PHKB: variants seen among roughly 807,000 people sequenced by gnomAD.
PHKB encodes the protein phosphorylase b kinase regulatory subunit beta.
Under a neutral mutation model 152.1 loss-of-function variants are expected in PHKB, and 122 were observed. That is an observed-to-expected ratio of 0.80 (90% CI 0.69 to 0.93). The LOEUF is 0.93. PHKB is among the 40% of genes least tolerant of loss of function. PHKB has a pLI of 0.00. For missense variants in PHKB, 1,304 were observed against 1,328.4 expected, an observed-to-expected ratio of 0.98 and a Z score of 0.29; for synonymous variants, 436 against 464.9, an observed-to-expected ratio of 0.94 and a Z score of 0.80.
intron 1 of PHKB, chr16:47,462,885 A>C (rs543784287): frequency 5.2e-5 from 8 of 152,438 alleles, no homozygotes; most frequent in African/African-American, 1.4e-4. Context: ...GAAGTATGAG[A>C]TAATTTTTTC....
intron 7 of PHKB, among the ~76,000 whole-genome samples, chr16:47,569,289 TAA>T (rs1971618845): frequency 6.6e-6 from 1 of 152,244 alleles, no homozygotes; most frequent in African/African-American, 2.4e-5. Flanking sequence ...TCTTTTTATT[TAA>T]AGTCTGTTTT....
At position 47,601,481 on chromosome 16, in the gene PHKB, G is replaced by A. The variant is rs913657076; in HGVS notation, c.1363+4950G>A. ...AGCACTTTGGAAGGCCGAGGCAGGCGGATCATGAGGTCAGGAGATCAAGAC... is the reference window on the plus strand; with the variant it reads ...AGCACTTTGGAAGGCCGAGGCAGGCAGATCATGAGGTCAGGAGATCAAGAC... On this transcript the variant is annotated intron_variant, in intron 13 of 30. Transcript: ENST00000323584. Among the ~76,000 whole-genome samples the A allele has an allele frequency of 4.6e-5, 7 of 152,090 alleles. No individual in the cohort carries two copies. In the South Asian group the frequency reaches 6.2e-4, roughly 14 times the overall value.
rs1567349111 is a variant in PHKB at position 47,669,294 on chromosome 16, AT to A, written c.2509del (p.Tyr837IlefsTer36). ...CCAAGAGTGATTCAAAACATCATCTATTATAAGTGTAACACCCATGATGAGA... is the reference window on the plus strand; with the variant it reads ...CCAAGAGTGATTCAAAACATCATCTATATAAGTGTAACACCCATGATGAGA... ...LSPRVIQNII[Y>X]YKCNTHDERE... On this transcript the variant is annotated frameshift_variant, in exon 26 of 31. Transcript: ENST00000323584. LOFTEE classifies it high-confidence loss of function. The A allele has an allele frequency of 6.2e-7, 1 of 1,614,046 alleles. No homozygotes were observed. Among genetic ancestry groups the A allele is most frequent in the South Asian group, 1.1e-5 (1 of 91,084 alleles).
intron 6 of PHKB, among the ~76,000 whole-genome samples, chr16:47,539,940 C>T (rs924452152): frequency 6.6e-6 from 1 of 152,112 alleles, no homozygotes; most frequent in African/African-American, 2.4e-5. Flanking sequence ...AACAGAATAA[C>T]AGCGATTTTT....
At chr16:47,550,335 G>A (rs758751212) in intron 7 of PHKB, among the ~76,000 whole-genome samples, 1 of 152,170 alleles carries the variant, frequency 6.6e-6, no homozygotes, top group African/African-American at 2.4e-5. Flanking sequence ...GGATACCCCA[G>A]ATCTATTTGG....
chr16:47,575,912 A>G (rs374032928), intron 7 of PHKB, among the ~76,000 whole-genome samples: 4 of 152,270 alleles, frequency 2.6e-5, no homozygotes, highest in Admixed American at 6.5e-5. Flanking sequence ...CCCTGTCTCT[A>G]CTAAAAATAC....
At chr16:47,574,958 T>A (rs564547847) in intron 7 of PHKB, among the ~76,000 whole-genome samples, 33 of 152,360 alleles carry the variant, frequency 2.2e-4, no homozygotes, top group African/African-American at 7.9e-4. Context: ...GAACTTCCAG[T>A]ACTATGTTAG....
rs944795439 is a variant in PHKB, at chr16:47,558,228, G to A, written c.710+10680G>A. Among the ~76,000 whole-genome samples, 4 of 120,354 alleles carry A rather than the reference G, an allele frequency of 3.3e-5. No individual in the cohort carries two copies. The Admixed American group carries it at 4.1e-4, about 12-fold the overall frequency. The allele number at this position is 120,354 out of a possible 152,430, so 79.0% of individuals were successfully genotyped here. A position where few individuals can be genotyped will look rare whatever the true frequency, so the allele number is the denominator to read the frequency against. ...GAAGGGGAACATCACTCTGGGGACT[G>A]TTGTGGGGTCGGGGGAGGGGGGAGG... On this transcript the variant is annotated intron_variant, in intron 7 of 30. Coordinates refer to ENST00000323584, the MANE Select transcript of PHKB (RefSeq NM_000293.3).
chr16:47,498,351 A>G lies in PHKB; in HGVS notation c.166+863A>G, dbSNP rs149399388. The stretch of plus-strand genomic sequence containing the variant: ...TTTTACACTGGGAAAAATAATAAAT[A>G]CCCTGGTTTTCTGAAAGAAATGATT... On this transcript the variant is annotated intron_variant, in intron 2 of 30. Coordinates refer to ENST00000323584, the MANE Select transcript of PHKB (RefSeq NM_000293.3). Among the ~76,000 whole-genome samples the G allele has an allele frequency of 8.5e-4, 129 of 152,308 alleles. 1 individual carries two copies. Among genetic ancestry groups the G allele is most frequent in the African/African-American group, 3.0e-3 (123 of 41,552 alleles).
chr16:47,582,701 G>A (rs1296814230), intron 8 of PHKB, among the ~76,000 whole-genome samples: 4 of 152,220 alleles, frequency 2.6e-5, no homozygotes, highest in South Asian at 2.1e-4. Context: ...TTCAGGTCAC[G>A]TCTATTTCCA....
intron 1 of PHKB, among the ~76,000 whole-genome samples, chr16:47,472,322 T>C (rs761734580): frequency 2.0e-5 from 3 of 152,210 alleles, no homozygotes; most frequent in Non-Finnish European, 4.4e-5. Context: ...ACATATCTTT[T>C]ATGGTTTTGG....
intron 14 of PHKB, among the ~76,000 whole-genome samples, chr16:47,614,122 G>A (rs900625302): frequency 3.3e-5 from 5 of 152,204 alleles, no homozygotes; most frequent in African/African-American, 4.8e-5. Context: ...AGGCCTCAGG[G>A]AGGTTTTCCT....
intron 1 of PHKB, among the ~76,000 whole-genome samples, chr16:47,494,177 G>C (rs1970195519): frequency 1.3e-5 from 2 of 152,156 alleles, no homozygotes; most frequent in Admixed American, 1.3e-4. Flanking sequence ...GTCCACTTCC[G>C]ATCTCATCTA....
chr16:47,664,814 T>C lies in PHKB; in HGVS notation c.2337-71T>C, dbSNP rs531404914. ...CAAACATTTAGAATGCTGACTGTTA[T>C]GTTTGGAAGAACTCCTGGAAGTTTT... On this transcript the variant is annotated intron_variant, in intron 24 of 30. Coordinates refer to ENST00000323584, the MANE Select transcript of PHKB (RefSeq NM_000293.3). 51 of 907,290 alleles carry C rather than the reference T, an allele frequency of 5.6e-5. No homozygotes were observed. In the East Asian group the frequency reaches 7.3e-4, roughly 13 times the overall value. 56.2% of individuals were successfully genotyped at this position (907,290 alleles called of 1,614,324 possible).
chr16:47,497,447 A>G lies in PHKB; in HGVS notation c.125A>G (p.Asn42Ser). The change falls in exon 2 of 31, where the codon AAT becomes AGT. Residue 42 changes from asparagine (N) to serine (S), a missense_variant. Asn to Ser is a conservative substitution (Grantham distance 46). Coordinates refer to ENST00000323584, the MANE Select transcript of PHKB (RefSeq NM_000293.3). The stretch of plus-strand genomic sequence containing the variant: ...AGCATTAATCTTCCAAGACCTGATA[A>G]TGAAACTCTCTGGGATAAGTTGGAC... ...LKSINLPRPD[N>S]ETLWDKLDHY... 1 of 1,610,282 alleles carries G rather than the reference A, an allele frequency of 6.2e-7. No individual in the cohort carries two copies. Among genetic ancestry groups the G allele is most frequent in the Non-Finnish European group, 8.5e-7 (1 of 1,178,142 alleles).
Position 47,660,328 on chromosome 16 carries a change from TG to T in PHKB, c.1972-177del, listed in dbSNP as rs1973417438. On this transcript the variant is annotated intron_variant, in intron 20 of 30. Transcript: ENST00000323584. ...GTATATTCTATTTTAGGGTTTTTTTTGTGTGTGTAGAAACCTGTGTGATTTT... is the reference window on the plus strand; with the variant it reads ...GTATATTCTATTTTAGGGTTTTTTTTTGTGTGTAGAAACCTGTGTGATTTT... 2.0e-5 allele frequency among the ~76,000 whole-genome samples: 3 copies of T among 152,266 alleles called. No individual in the cohort carries two copies. In the South Asian group the frequency reaches 6.2e-4, roughly 32 times the overall value.
At chr16:47,566,997 TGTA>T (rs1228852832) in intron 7 of PHKB, 2 of 429,394 alleles carry the variant, frequency 4.7e-6, no homozygotes, top group African/African-American at 4.1e-5. Flanking sequence ...ACTATAGCCT[TGTA>T]GTATAATTTT....
intron 20 of PHKB, among the ~76,000 whole-genome samples, chr16:47,655,435 CTT>C (rs1370651226): frequency 6.6e-6 from 1 of 152,138 alleles, no homozygotes; most frequent in Non-Finnish European, 1.5e-5. Flanking sequence ...TTTGTGATGA[CTT>C]TGAGTTGAAA....
chr16:47,464,535 C>T (rs1030258138), intron 1 of PHKB, among the ~76,000 whole-genome samples: 3 of 152,084 alleles, frequency 2.0e-5, no homozygotes, highest in South Asian at 2.1e-4. Context: ...GCTCTTAGAC[C>T]GTTGTGTTGA....
Sources: gnomAD v4.1 joint callset for allele counts (sites outside exome capture counted in the v4.1 genomes callset) on GRCh38, gnomAD v4.1.1 for gene constraint, MANE v1.5 for transcripts, NCBI Gene and HGNC (gene_info 2026-07-23, HGNC 2026-07-21) for gene names.